SORCS1: variants seen among roughly 807,000 people sequenced by gnomAD.
The protein encoded by SORCS1 is VPS10 domain-containing receptor SorCS1.
In SORCS1, 60 loss-of-function variants were observed where a neutral mutation model predicts 146.1. The observed-to-expected ratio is 0.41, with a 90% CI of 0.33 to 0.51. The LOEUF (loss-of-function observed/expected upper bound fraction) is 0.51, where lower values mean the gene tolerates loss of function less well. Among genes scored for constraint, SORCS1 ranks in the 20% least tolerant of loss-of-function variants. SORCS1 has a pLI of 0.21. For synonymous variants in SORCS1, 637 were observed against 584.0 expected, an observed-to-expected ratio of 1.09 and a Z score of -1.31; for missense variants, 1,352 against 1,487.6, an observed-to-expected ratio of 0.91 and a Z score of 1.50.
chr10:107,149,702 C>T (rs896758071), intron 1 of SORCS1, among the ~76,000 whole-genome samples: 4 of 152,144 alleles, frequency 2.6e-5, no homozygotes, highest in African/African-American at 9.7e-5. Context: ...TTCCTTTGTC[C>T]AGTTTGAGGA....
chr10:107,060,700 C>A lies in SORCS1; in HGVS notation c.558+103269G>T, dbSNP rs1424035324. Among the ~76,000 whole-genome samples, 1 of 152,166 alleles carries A rather than the reference C, an allele frequency of 6.6e-6. No individual in the cohort carries two copies. Among genetic ancestry groups the A allele is most frequent in the African/African-American group, 2.4e-5 (1 of 41,432 alleles). Reference sequence around the variant, plus strand: ...CTCACGGTTTTCTCCTCTCTTGACACTTGCAGTCATGTTTACTCTTAGACA... The same window carrying A: ...CTCACGGTTTTCTCCTCTCTTGACAATTGCAGTCATGTTTACTCTTAGACA... On this transcript the variant is annotated intron_variant, in intron 1 of 25. Transcript: ENST00000263054. The surrounding 1 kb of genome is among the most constrained non-coding windows in gnomAD (Gnocchi z 4.1).
At chr10:106,877,977 C>T (rs950946758) in intron 2 of SORCS1, among the ~76,000 whole-genome samples, 13 of 152,174 alleles carry the variant, frequency 8.5e-5, no homozygotes, top group African/African-American at 2.4e-4. Context: ...TAGTCATAAT[C>T]TCTACCCGAT....
In SORCS1 at chr10:106,584,655, C is replaced by A. The variant is rs184907356; in HGVS notation, c.3266-5181G>T. On this transcript the variant is annotated intron_variant, in intron 24 of 25. Transcript: ENST00000263054. ...TCATGCCTTTTAGGGAGCCCTAAAT[C>A]AACTGTGGTCTAGTGCTAACTGATT... Among the ~76,000 whole-genome samples, 306 of 152,322 alleles carry A rather than the reference C, an allele frequency of 2.0e-3. No homozygotes were observed. In the Middle Eastern group the frequency reaches 0.027, roughly 14 times the overall value.
chr10:106,797,022 G>T (rs555171895), intron 3 of SORCS1, among the ~76,000 whole-genome samples: 1 of 152,124 alleles, frequency 6.6e-6, no homozygotes, highest in Non-Finnish European at 1.5e-5. Context: ...CAGGAGACTC[G>T]CTTGAACCTG....
intron 1 of SORCS1, among the ~76,000 whole-genome samples, chr10:106,959,517 T>A (rs918139244): frequency 6.6e-6 from 1 of 152,230 alleles, no homozygotes; most frequent in Non-Finnish European, 1.5e-5. Flanking sequence ...AGCAATACTA[T>A]TTCACAAATC....
At chr10:106,914,578 G>A (rs1952322608) in intron 2 of SORCS1, among the ~76,000 whole-genome samples, 1 of 152,104 alleles carries the variant, frequency 6.6e-6, no homozygotes, top group Admixed American at 6.6e-5. Flanking sequence ...TGTCATTATT[G>A]TGCATGGTGA....
chr10:106,610,085 C>A (rs776245139), intron 22 of SORCS1, among the ~76,000 whole-genome samples: 2 of 152,138 alleles, frequency 1.3e-5, no homozygotes, highest in Non-Finnish European at 2.9e-5. Flanking sequence ...GTCGTGCCTC[C>A]TGGTGGTGAT....
intron 23 of SORCS1, chr10:106,600,403 A>C: frequency 2.6e-5 from 25 of 980,180 alleles, no homozygotes; most frequent in Non-Finnish European, 3.0e-5. Flanking sequence ...TGTGAGAAAA[A>C]ATTTGCATAA....
intron 1 of SORCS1, among the ~76,000 whole-genome samples, chr10:107,143,956 A>C (rs551859403): frequency 5.9e-5 from 9 of 152,048 alleles, no homozygotes; most frequent in African/African-American, 1.9e-4. Context: ...CTAGTTTGCA[A>C]GGCCCTTTTT....
chr10:107,035,296 A>T (rs1958859595), intron 1 of SORCS1, among the ~76,000 whole-genome samples: 1 of 150,648 alleles, frequency 6.6e-6, no homozygotes, highest in African/African-American at 2.4e-5. Flanking sequence ...AAAAACACAG[A>T]AAAACTTCAC....
At chr10:106,794,837 T>C (rs1375678002) in intron 3 of SORCS1, among the ~76,000 whole-genome samples, 2 of 152,136 alleles carry the variant, frequency 1.3e-5, no homozygotes, top group African/African-American at 4.8e-5. Flanking sequence ...AAAGTTTCTG[T>C]ATTCATAGAC....
chr10:107,126,337 T>C (rs1966708540), intron 1 of SORCS1, among the ~76,000 whole-genome samples: 1 of 147,824 alleles, frequency 6.8e-6, no homozygotes, highest in Admixed American at 6.7e-5. Flanking sequence ...TTACCAAGAG[T>C]TCCAAGCCAT....
chr10:106,948,061 C>A (rs1449371947), intron 2 of SORCS1, among the ~76,000 whole-genome samples: 1 of 151,838 alleles, frequency 6.6e-6, no homozygotes, highest in Non-Finnish European at 1.5e-5. Flanking sequence ...GGATAGACAC[C>A]CAAGAGTCAT....
At chr10:107,071,865 G>A (rs549824132) in intron 1 of SORCS1, among the ~76,000 whole-genome samples, 1 of 152,170 alleles carries the variant, frequency 6.6e-6, no homozygotes, top group African/African-American at 2.4e-5. Flanking sequence ...TATTACAGAG[G>A]AAGCAACTAC....
At chr10:107,039,333 A>AC (rs1959062277) in intron 1 of SORCS1, among the ~76,000 whole-genome samples, 2 of 25,200 alleles carry the variant, frequency 7.9e-5, no homozygotes, top group African/African-American at 1.9e-4. Context: ...TCAAATAAAG[A>AC]AAAAAAAAAA....
intron 13 of SORCS1, among the ~76,000 whole-genome samples, chr10:106,675,827 AGT>A (rs1851986376): frequency 6.6e-6 from 1 of 152,182 alleles, no homozygotes; most frequent in Admixed American, 6.5e-5. Context: ...GAAAGGAATT[AGT>A]GATCTTTTAA....
chr10:106,842,393 C>A (rs566843236), intron 2 of SORCS1, among the ~76,000 whole-genome samples: 96 of 152,114 alleles, frequency 6.3e-4, no homozygotes, highest in African/African-American at 2.2e-3. Context: ...ACCACCAGGC[C>A]CGGCTAATTT....
At chr10:107,061,179 T>A (rs1961183589) in intron 1 of SORCS1, among the ~76,000 whole-genome samples, 1 of 152,144 alleles carries the variant, frequency 6.6e-6, no homozygotes. Flanking sequence ...CCATTTCTTA[T>A]CATCTGTATC....
chr10:107,024,056 C>T (rs1041211244), intron 1 of SORCS1, among the ~76,000 whole-genome samples: 1 of 151,896 alleles, frequency 6.6e-6, no homozygotes, highest in Admixed American at 6.6e-5. Flanking sequence ...TGCCTGTAGT[C>T]CCAGCTACTC....
Sources: allele counts gnomAD v4.1 joint callset (sites outside exome capture counted in the v4.1 genomes callset), GRCh38; gene constraint gnomAD v4.1.1; non-coding constraint Gnocchi (gnomAD v3.1); transcripts MANE v1.5; gene names NCBI Gene and HGNC (gene_info 2026-07-23, HGNC 2026-07-21).